Variants in CLCNKA observed in about 807,000 individuals in gnomAD.
CLCNKA encodes the protein chloride channel protein ClC-Ka.
Under a neutral mutation model 83.3 loss-of-function variants are expected in CLCNKA, and 66 were observed. The ratio of observed to expected loss-of-function variants is 0.79; its 90% CI spans 0.65 to 0.97. CLCNKA has a LOEUF of 0.97. Among genes scored for constraint, CLCNKA ranks in the 50% least tolerant of loss-of-function variants. The pLI is 0.00. For missense variants in CLCNKA, 806 were observed against 888.7 expected, an observed-to-expected ratio of 0.91 and a Z score of 1.18; for synonymous variants, 357 against 370.4, an observed-to-expected ratio of 0.96 and a Z score of 0.42.
rs781124758 is a variant in CLCNKA at position 16,030,463 on chromosome 1, G to C, written c.1411G>C (p.Ala471Pro). 1.9e-6 allele frequency: 3 copies of C among 1,612,480 alleles called. No individual in the cohort carries two copies. The African/African-American group carries it at 4.0e-5, about 22-fold the overall frequency. The change falls in exon 15 of 20, where the codon GCT becomes CCT. Residue 471 changes from alanine (A) to proline (P), a missense_variant and splice_region_variant. Physicochemically the swap from Ala to Pro is conservative, Grantham distance 27. Coordinates refer to ENST00000331433, the MANE Select transcript of CLCNKA (RefSeq NM_004070.4). ...IMPGGYALAGAAAFSGAVTHT... is the reference protein window; with the variant it reads ...IMPGGYALAGPAAFSGAVTHT... ...CCTGTGTGGCTCTGCCCCGGCAGGG[G>C]CTGCAGCCTTCTCAGGGGCTGTGAC... is the stretch of plus-strand genomic sequence containing the variant.
rs758739242 is a variant in CLCNKA, at chr1:16,030,523, C to T, written c.1471C>T (p.Leu491=). ...TISTALLAFE[L]TGQIVHALPV... ...CTCCACGGCGCTGCTGGCCTTTGAG[C>T]TGACCGGCCAGATAGTGCATGCACT... is the stretch of plus-strand genomic sequence containing the variant. The change falls in exon 15 of 20, where the codon CTG becomes TTG. Residue 491 remains leucine (L), a synonymous_variant. Transcript: ENST00000331433. 26 of 1,613,010 alleles carry T rather than the reference C, an allele frequency of 1.6e-5. No individual in the cohort carries two copies. The highest frequency in any genetic ancestry group is 8.5e-7 in the Non-Finnish European group (1 of 1,180,052).
At chr1:16,032,650 TC>T in intron 18 of CLCNKA, 124 bp downstream of exon 18, 2 of 778,434 alleles carry the variant, frequency 2.6e-6, no homozygotes, top group Non-Finnish European at 4.5e-6. Flanking sequence ...TTCCTGCTCC[TC>T]CTGGGCCTGG....
At chr1:16,032,751 G>A (rs2022682416) in intron 18 of CLCNKA, among the ~76,000 whole-genome samples, 1 of 152,272 alleles carries the variant, frequency 6.6e-6, no homozygotes, top group African/African-American at 2.4e-5. Context: ...GCAAATGGAA[G>A]TCTCTGGGTG....
At chr1:16,029,344 C>A (rs1287238116) in intron 12 of CLCNKA, 45 bp downstream of exon 12, 1 of 1,613,190 alleles carries the variant, frequency 6.2e-7, no homozygotes, top group Non-Finnish European at 8.5e-7. Context: ...AGGACCAGCT[C>A]TGGTGGGGAG....
intron 8 of CLCNKA, 140 bp downstream of exon 8, chr1:16,027,575 C>G: frequency 1.1e-5 from 16 of 1,491,292 alleles, no homozygotes; most frequent in Non-Finnish European, 1.5e-5. Flanking sequence ...CCACCTCCTT[C>G]AGGGAGGATG....
chr1:16,024,833 T>C lies in CLCNKA; in HGVS notation c.300T>C (p.Pro100=), dbSNP rs759561777. ...LLRYLSWTVY[P]VALVSFSSGF... is the part of the protein sequence containing the mutation. ...GGTATCTTTCCTGGACTGTGTACCC[T>C]GTGGCCCTCGTCTCTTTCTCCTCAG... Residue 100 remains proline, a synonymous_variant, in exon 4 of 20, where the codon CCT becomes CCC. Coordinates refer to ENST00000331433, the MANE Select transcript of CLCNKA (RefSeq NM_004070.4). 13 of 1,614,072 alleles carry C rather than the reference T, an allele frequency of 8.1e-6. No individual in the cohort carries two copies. The highest frequency in any genetic ancestry group is 5.0e-5 in the Admixed American group (3 of 59,992).
intron 4 of CLCNKA, among the ~76,000 whole-genome samples, chr1:16,025,886 C>A (rs1409254580): frequency 6.6e-6 from 1 of 152,166 alleles, no homozygotes. Flanking sequence ...TCCCAAGTAG[C>A]TGGGACTGCA....
At chr1:16,025,380 G>A (rs2022305671) in intron 4 of CLCNKA, among the ~76,000 whole-genome samples, 1 of 152,220 alleles carries the variant, frequency 6.6e-6, no homozygotes, top group African/African-American at 2.4e-5. Flanking sequence ...GGTTCTGCGT[G>A]ATCATAATAG....
rs1300272061 is a variant in CLCNKA at position 16,032,218 on chromosome 1, T to C, written c.1772T>C (p.Val591Ala). 9 of 1,612,442 alleles carry C rather than the reference T, an allele frequency of 5.6e-6. No homozygotes were observed. Among genetic ancestry groups the C allele is most frequent in the African/African-American group, 1.3e-5 (1 of 74,830 alleles). Residue 591 changes from valine to alanine, a missense_variant, in exon 17 of 20, where the codon GTA becomes GCA. By Grantham distance (64) the Val-to-Ala change is moderately conservative. Transcript: ENST00000331433. ...TACTTGCCAGAGTCCCAGATCCTGG[T>C]AGGCATCGTGCAGAGGGCCCAGCTG... ...LVESTESQIL[V>A]GIVQRAQLVQ...
In CLCNKA at chr1:16,031,803, C is replaced by T. The variant is rs1388593631; in HGVS notation, c.1716C>T (p.Thr572=). ...TGGAGGAGGTGGTCAAGGTTGTGAC[C>T]TCCACAGACGTGACCGAGTATCCCC... ...TPLEEVVKVV[T]STDVTEYPLV... Residue 572 remains threonine (T), a synonymous_variant, in exon 16 of 20, where the codon ACC becomes ACT. Coordinates refer to ENST00000331433, the MANE Select transcript of CLCNKA (RefSeq NM_004070.4). The T allele has an allele frequency of 1.9e-6, 3 of 1,613,980 alleles. No homozygotes were observed. The South Asian group carries it at 3.3e-5, about 18-fold the overall frequency.
chr1:16,026,933 C>T (rs914462946), intron 7 of CLCNKA, 158 bp downstream of exon 7: 16 of 926,596 alleles, frequency 1.7e-5, no homozygotes, highest in African/African-American at 1.6e-4. Flanking sequence ...CCGGGGGCGG[C>T]GGGGCGGGGC....
intron 12 of CLCNKA, 35 bp downstream of exon 12, chr1:16,029,334 A>G (rs745402202): frequency 1.1e-5 from 18 of 1,613,228 alleles, no homozygotes; most frequent in African/African-American, 2.7e-5. Flanking sequence ...GCACAGAGCC[A>G]GGACCAGCTC....
Position 16,026,581 on chromosome 1 carries a change from C to A in CLCNKA, c.544C>A (p.Arg182Ser). The change falls in exon 6 of 20, where the codon CGT becomes AGT. Residue 182 changes from arginine (R) to serine (S), a missense_variant. Coordinates refer to ENST00000331433, the MANE Select transcript of CLCNKA (RefSeq NM_004070.4). ...TGTAATGATCGCTGCCTACCTGGGC[C>A]GTGTGCGCACCACGACCATCGGGGA... is the stretch of plus-strand genomic sequence containing the variant. ...LSVMIAAYLG[R>S]VRTTTIGEPE... The A allele has an allele frequency of 1.2e-6, 2 of 1,614,028 alleles. No individual in the cohort carries two copies. The highest frequency in any genetic ancestry group is 1.7e-6 in the Non-Finnish European group (2 of 1,180,016).
At chr1:16,028,950 G>T in intron 11 of CLCNKA, 105 bp downstream of exon 11, 1 of 1,515,730 alleles carries the variant, frequency 6.6e-7, no homozygotes, top group East Asian at 2.3e-5. Context: ...GGTGACACCT[G>T]GGCATCATTC....
intron 10 of CLCNKA, 128 bp downstream of exon 10, chr1:16,028,247 A>G: frequency 2.3e-6 from 2 of 867,962 alleles, no homozygotes; most frequent in South Asian, 2.8e-5. Flanking sequence ...TGGAGCATCT[A>G]ACAACCCTCT....
Position 16,026,056 on chromosome 1 carries a change from G to C in CLCNKA, c.359-52G>C, listed in dbSNP as rs533304499. On this transcript the variant is annotated intron_variant, in intron 4 of 19. Transcript: ENST00000331433. The stretch of plus-strand genomic sequence containing the variant: ...GGCGTGAGCCACTGCGCCTGGCAGA[G>C]AGTTTTAATCTAGAGATTGTCCCCT... 3.1e-6 allele frequency: 5 copies of C among 1,611,384 alleles called. 1 individual carries two copies. In the South Asian group the frequency reaches 5.5e-5, roughly 18 times the overall value.
rs773539181 is a variant in CLCNKA, at chr1:16,027,355, G to C, written c.701G>C (p.Arg234Pro). ...GTCATGTCTTCCCACTTCTCTGTCC[G>C]GGATTACTGGAGGGGCTTCTTTGCG... ...IEVMSSHFSV[R>P]DYWRGFFAAT... Residue 234 changes from arginine to proline, a missense_variant, in exon 8 of 20, where the codon CGG (arginine) becomes CCG (proline). By Grantham distance (103) the Arg-to-Pro change is moderately radical. Transcript: ENST00000331433. The C allele has an allele frequency of 1.9e-6, 3 of 1,613,690 alleles. No homozygotes were observed. The highest frequency in any genetic ancestry group is 2.5e-6 in the Non-Finnish European group (3 of 1,179,998).
chr1:16,025,906 C>A (rs1405347172), intron 4 of CLCNKA, among the ~76,000 whole-genome samples: 2 of 152,172 alleles, frequency 1.3e-5, no homozygotes, highest in African/African-American at 4.8e-5. Context: ...AGGCACCCGC[C>A]ACCATGCCCG....
In CLCNKA at chr1:16,022,683, TG is replaced by T; in HGVS notation, c.68del (p.Gly23AlafsTer17). 1 of 1,556,084 alleles carries T rather than the reference TG, an allele frequency of 6.4e-7. No individual in the cohort carries two copies. The highest frequency in any genetic ancestry group is 8.7e-7 in the Non-Finnish European group (1 of 1,150,348). ...GGACCCTGTGACTCTGCAGGAGCTG[TG>T]GGGCCCCTGTCCCCACATCCGCCGA... The part of the protein sequence containing the change: ...SGDPVTLQEL[W>X]GPCPHIRRAI... On this transcript the variant is annotated frameshift_variant, in exon 2 of 20. Transcript: ENST00000331433. LOFTEE classifies it high-confidence loss of function.
Sources: gnomAD v4.1 joint callset for allele counts (sites outside exome capture counted in the v4.1 genomes callset) on GRCh38, gnomAD v4.1.1 for gene constraint, MANE v1.5 for transcripts, NCBI Gene and HGNC (gene_info 2026-07-23, HGNC 2026-07-21) for gene names.